The following TSPAN8 variants were observed in gnomAD, a reference collection of about 807,000 sequenced individuals.
The protein encoded by TSPAN8 is tetraspanin 8, also known as tetraspanin-8.
TSPAN8 carries 21 observed loss-of-function variants against 32.8 expected under a neutral mutation model. The ratio of observed to expected loss-of-function variants is 0.64; its 90% confidence interval spans 0.45 to 0.92. TSPAN8 has a LOEUF of 0.92. Among genes scored for constraint, TSPAN8 ranks in the 40% least tolerant of loss-of-function variants. The probability of loss-of-function intolerance (pLI) is 0.00; values close to 1 mark genes in which losing one functional copy is unlikely to be tolerated. For missense variants in TSPAN8, 269 were observed against 281.9 expected (o/e 0.95, Z 0.33); for synonymous variants, 95 against 94.6 (o/e 1.00, Z -0.03).
intron 2 of TSPAN8, chr12:71,157,278 C>T: frequency 4.6e-6 from 1 of 217,856 alleles, no homozygotes; most frequent in Non-Finnish European, 9.2e-6. Flanking sequence ...GTTTTTACCA[C>T]AGAGTCCTTA....
In TSPAN8 at chr12:71,138,002, C is replaced by G. The variant is rs1170708267; in HGVS notation, c.395G>C (p.Gly132Ala). 6.2e-7 allele frequency: 1 copy of G among 1,613,978 alleles called. No homozygotes were observed. Among genetic ancestry groups the G allele is most frequent in the East Asian group, 2.2e-5 (1 of 44,858 alleles). ...TTCCTGGAATTGTTTTTCACTTTCCCCTGTGGCGCTCAAAAGCTTTGTGTT... is the reference window on the plus strand; with the variant it reads ...TTCCTGGAATTGTTTTTCACTTTCCGCTGTGGCGCTCAAAAGCTTTGTGTT... The part of the protein sequence containing the change: ...YENTKLLSAT[G>A]ESEKQFQEAI... The change falls in exon 6 of 9, where the codon GGG (glycine) becomes GCG (alanine). Residue 132 changes from glycine to alanine, a missense_variant. Transcript: ENST00000247829.
At chr12:71,142,480 C>A (rs1308502884) in intron 3 of TSPAN8, among the ~76,000 whole-genome samples, 1 of 152,142 alleles carries the variant, frequency 6.6e-6, no homozygotes, top group Non-Finnish European at 1.5e-5. Flanking sequence ...CTTGAAGAGG[C>A]CACAGCACCC....
rs534039618 is a variant in TSPAN8, at chr12:71,129,048, G to A, written c.660+283C>T. ...GTGGGAAAAATATACCTGGCACTAA[G>A]AACTATGTGAAAATTAATTCTATCT... On this transcript the variant is annotated intron_variant, in intron 8 of 8. Transcript: ENST00000247829. Among the ~76,000 whole-genome samples the A allele has an allele frequency of 2.6e-5, 4 of 152,236 alleles. No homozygotes were observed. In the South Asian group the frequency reaches 6.2e-4, roughly 24 times the overall value.
chr12:71,125,241 C>T lies in TSPAN8; in HGVS notation c.*93G>A. ...AGACATTTTAAAAAGACAGCTGCTC[C>T]TGACTTATATAGCACTTACATATTT... On this transcript the variant is annotated 3_prime_UTR_variant, in exon 9 of 9. Coordinates refer to ENST00000247829, the MANE Select transcript of TSPAN8 (RefSeq NM_004616.3). The T allele has an allele frequency of 1.9e-6, 2 of 1,079,910 alleles. No individual in the cohort carries two copies. The highest frequency in any genetic ancestry group is 2.7e-6 in the Non-Finnish European group (2 of 733,622). The allele number at this position is 1,079,910 out of a possible 1,614,324, so 66.9% of individuals were successfully genotyped here.
intron 2 of TSPAN8, among the ~76,000 whole-genome samples, chr12:71,151,885 C>T (rs531360584): frequency 2.5e-4 from 38 of 152,340 alleles, no homozygotes; most frequent in African/African-American, 8.9e-4. Context: ...TTGGGGCTGA[C>T]ATATCCCTCT....
intron 2 of TSPAN8, chr12:71,157,356 C>A: frequency 2.7e-6 from 1 of 376,196 alleles, no homozygotes; most frequent in South Asian, 4.7e-5. Flanking sequence ...ATTTGTGTTC[C>A]TCTGTGATTT....
At chr12:71,156,305 A>G (rs1323293449) in intron 2 of TSPAN8, among the ~76,000 whole-genome samples, 1 of 150,394 alleles carries the variant, frequency 6.6e-6, no homozygotes, top group Non-Finnish European at 1.5e-5. Context: ...ACAAAACCAA[A>G]GAATACAGGT....
intron 6 of TSPAN8, among the ~76,000 whole-genome samples, 192 bp from the exon 7 acceptor site, chr12:71,133,016 T>A (rs1279034099): frequency 1.3e-5 from 2 of 152,210 alleles, no homozygotes; most frequent in Admixed American, 6.5e-5. Flanking sequence ...ACATTAATGA[T>A]GGAAAAATGG....
chr12:71,139,648 G>C, intron 4 of TSPAN8, 63 bp downstream of exon 4: 2 of 1,566,208 alleles, frequency 1.3e-6, no homozygotes, highest in Non-Finnish European at 1.7e-6. Context: ...ACAGACAATA[G>C]GGATGGGAGA....
At chr12:71,133,669 T>C (rs1341602341) in intron 6 of TSPAN8, among the ~76,000 whole-genome samples, 3 of 152,114 alleles carry the variant, frequency 2.0e-5, no homozygotes, top group African/African-American at 7.2e-5. Context: ...AAATGAAGAA[T>C]GAAGCTCTTA....
intron 8 of TSPAN8, among the ~76,000 whole-genome samples, chr12:71,129,127 A>G (rs1871435009): frequency 6.6e-6 from 1 of 152,020 alleles, no homozygotes; most frequent in Admixed American, 6.6e-5. Flanking sequence ...TGCTCACTTC[A>G]TAAGACTGGA....
Position 71,138,053 on chromosome 12 carries a change from C to T in TSPAN8, c.344G>A (p.Arg115His), listed in dbSNP as rs756170144. 27 of 1,613,320 alleles carry T rather than the reference C, an allele frequency of 1.7e-5. 1 individual carries two copies. The highest frequency in any genetic ancestry group is 5.3e-5 in the African/African-American group (4 of 74,874). ...LGAVFKSKSD[R>H]IVNETLYENT... is the part of the protein sequence containing the mutation. ...TTCATAGAGAGTTTCATTCACAATG[C>T]GATCAGACTGAAAATTGAAAAGTAT... Residue 115 changes from arginine (R) to histidine (H), a missense_variant, in exon 6 of 9, where the codon CGC becomes CAC. Transcript: ENST00000247829.
At chr12:71,141,091 C>T in intron 3 of TSPAN8, among the ~76,000 whole-genome samples, 1 of 152,302 alleles carries the variant, frequency 6.6e-6, no homozygotes, top group South Asian at 2.1e-4. Flanking sequence ...TATATTTTGT[C>T]AGGGTCCTAA....
chr12:71,125,151 C>G lies in TSPAN8; in HGVS notation c.*183G>C, dbSNP rs1003393680. The G allele has an allele frequency of 1.0e-5, 5 of 500,380 alleles. No individual in the cohort carries two copies. The highest frequency in any genetic ancestry group is 9.7e-5 in the African/African-American group (5 of 51,390). 31.0% of individuals were successfully genotyped at this position (500,380 alleles called of 1,614,324 possible). A position where few individuals can be genotyped will look rare whatever the true frequency, so the allele number is the denominator to read the frequency against. On this transcript the variant is annotated 3_prime_UTR_variant, in exon 9 of 9. Coordinates refer to ENST00000247829, the MANE Select transcript of TSPAN8 (RefSeq NM_004616.3). ...AAAATACACATTCATATCATTTTCC[C>G]TTATATCCCTCAAATCTTAAATGTG...
chr12:71,153,309 C>A (rs1191263715), intron 2 of TSPAN8, among the ~76,000 whole-genome samples: 1 of 152,202 alleles, frequency 6.6e-6, no homozygotes, highest in Non-Finnish European at 1.5e-5. Context: ...ATCTGCAGCA[C>A]CTCCAGTTCT....
At chr12:71,155,467 T>C (rs892864897) in intron 2 of TSPAN8, among the ~76,000 whole-genome samples, 1 of 152,072 alleles carries the variant, frequency 6.6e-6, no homozygotes, top group Non-Finnish European at 1.5e-5. Context: ...CACACACCAG[T>C]GCATAAAATT....
chr12:71,132,713 C>T lies in TSPAN8; in HGVS notation c.556G>A (p.Gly186Arg). ...DKQRPCQSYN[G>R]KQVYKETCIS... ...CTCACCTCTTTGTAAACTTGTTTTC[C>T]ATTATAGCTTTGGCATGGTCTCTGC... Residue 186 changes from glycine (G) to arginine (R), a missense_variant, in exon 7 of 9, where the codon GGA becomes AGA. Gly to Arg is a moderately radical substitution (Grantham distance 125). Transcript: ENST00000247829. The T allele has an allele frequency of 6.2e-7, 1 of 1,613,660 alleles. No homozygotes were observed. The highest frequency in any genetic ancestry group is 8.5e-7 in the Non-Finnish European group (1 of 1,179,868).
chr12:71,145,638 C>T (rs960466857), intron 2 of TSPAN8, among the ~76,000 whole-genome samples: 1 of 152,154 alleles, frequency 6.6e-6, no homozygotes, highest in Non-Finnish European at 1.5e-5. Flanking sequence ...AAGACAAATG[C>T]TCATTTTAGC....
At chr12:71,135,178 T>G in intron 6 of TSPAN8, among the ~76,000 whole-genome samples, 1 of 148,894 alleles carries the variant, frequency 6.7e-6, no homozygotes, top group South Asian at 2.1e-4. Context: ...AAAGAAAGCA[T>G]AGTGGAGATG....
Sources: allele counts gnomAD v4.1 joint callset (sites outside exome capture counted in the v4.1 genomes callset), GRCh38; gene constraint gnomAD v4.1.1; transcripts MANE v1.5; gene names NCBI Gene and HGNC (gene_info 2026-07-23, HGNC 2026-07-21).